Variants in TBC1D5 observed in about 807,000 individuals in gnomAD.
TBC1D5 encodes the protein TBC1 domain family member 5.
TBC1D5 carries 75 observed loss-of-function variants against 100.3 expected under a neutral mutation model. That is an observed-to-expected ratio of 0.75 (90% confidence interval 0.62 to 0.91). The LOEUF (loss-of-function observed/expected upper bound fraction) is 0.91. Among genes scored for constraint, TBC1D5 ranks in the 40% least tolerant of loss-of-function variants. The pLI, the probability that TBC1D5 is intolerant of heterozygous loss-of-function variation, is 0.00. For synonymous variants in TBC1D5, 323 were observed against 325.6 expected, an observed-to-expected ratio of 0.99 and a Z score of 0.09; for missense variants, 910 against 942.4, an observed-to-expected ratio of 0.97 and a Z score of 0.45.
chr3:17,733,820 C>A (rs1342876079), intron 1 of TBC1D5, among the ~76,000 whole-genome samples: 1 of 150,606 alleles, frequency 6.6e-6, no homozygotes, highest in Non-Finnish European at 1.5e-5. Flanking sequence ...CCTGGAAAAT[C>A]TAAGAGAATT....
At chr3:17,622,122 G>A (rs553940853) in intron 2 of TBC1D5, among the ~76,000 whole-genome samples, 4 of 152,250 alleles carry the variant, frequency 2.6e-5, no homozygotes, top group South Asian at 2.1e-4. Flanking sequence ...AGATGGTTTC[G>A]AAATCAAACT....
chr3:17,484,161 G>C (rs1156649466), intron 3 of TBC1D5, among the ~76,000 whole-genome samples: 4 of 152,016 alleles, frequency 2.6e-5, no homozygotes, highest in Non-Finnish European at 4.4e-5. Context: ...TTAAAGACAG[G>C]AACAGAAACT....
chr3:17,581,983 C>G (rs569506852), intron 2 of TBC1D5, among the ~76,000 whole-genome samples: 2 of 152,286 alleles, frequency 1.3e-5, no homozygotes, highest in Non-Finnish European at 2.9e-5. Flanking sequence ...GGTCTTTACT[C>G]ACATGTTACC....
At chr3:17,552,680 T>C (rs1413986953) in intron 2 of TBC1D5, among the ~76,000 whole-genome samples, 2 of 152,198 alleles carry the variant, frequency 1.3e-5, no homozygotes, top group South Asian at 4.1e-4. Flanking sequence ...ATAGCTATGA[T>C]AAAAATTTCA....
chr3:17,548,817 A>G (rs2096444696), intron 2 of TBC1D5, among the ~76,000 whole-genome samples: 1 of 152,224 alleles, frequency 6.6e-6, no homozygotes, highest in Non-Finnish European at 1.5e-5. Context: ...CTTAAGCTAC[A>G]AAACATACAA....
chr3:17,440,224 C>G (rs78522402), intron 3 of TBC1D5, among the ~76,000 whole-genome samples: 2 of 152,048 alleles, frequency 1.3e-5, no homozygotes, highest in African/African-American at 4.8e-5. Context: ...AAGTCACAGA[C>G]CAAACAGGGC....
At chr3:17,179,186 G>A (rs571849945) in intron 19 of TBC1D5, among the ~76,000 whole-genome samples, 36 of 152,226 alleles carry the variant, frequency 2.4e-4, no homozygotes, top group African/African-American at 7.5e-4. Context: ...TCTGCTACCC[G>A]CAATAAAAAG....
chr3:17,501,050 T>C (rs2095782429), intron 3 of TBC1D5, among the ~76,000 whole-genome samples: 1 of 149,800 alleles, frequency 6.7e-6, no homozygotes, highest in Non-Finnish European at 1.5e-5. Context: ...GTATTTTTTA[T>C]CCTTGTTACT....
chr3:17,721,055 G>C (rs1294596285), intron 1 of TBC1D5, among the ~76,000 whole-genome samples: 1 of 151,828 alleles, frequency 6.6e-6, no homozygotes, highest in Non-Finnish European at 1.5e-5. Flanking sequence ...TGGCCAGGCT[G>C]GTCTTGAATT....
At chr3:17,572,595 G>A (rs1159059385) in intron 2 of TBC1D5, among the ~76,000 whole-genome samples, 2 of 151,976 alleles carry the variant, frequency 1.3e-5, no homozygotes, top group Non-Finnish European at 2.9e-5. Context: ...ACTCTATAAT[G>A]CTTCATGTCC....
intron 3 of TBC1D5, among the ~76,000 whole-genome samples, chr3:17,467,779 C>A (rs1470928873): frequency 6.6e-6 from 1 of 151,872 alleles, no homozygotes; most frequent in South Asian, 2.1e-4. Flanking sequence ...CATTTGTAAT[C>A]CTAGCTACTC....
At chr3:17,342,600 T>A (rs1363573144) in intron 13 of TBC1D5, among the ~76,000 whole-genome samples, 1 of 152,172 alleles carries the variant, frequency 6.6e-6, no homozygotes, top group Non-Finnish European at 1.5e-5. Context: ...TTAAAATAAA[T>A]TTTTCCTTAT....
intron 1 of TBC1D5, among the ~76,000 whole-genome samples, chr3:17,693,485 G>A (rs377128675): frequency 4.3e-4 from 65 of 152,332 alleles, no homozygotes; most frequent in African/African-American, 8.9e-4. Context: ...CACTGCTAGC[G>A]CAGCAGTCTG....
chr3:17,412,139 G>A (rs2149114570), intron 4 of TBC1D5, among the ~76,000 whole-genome samples: 1 of 152,226 alleles, frequency 6.6e-6, no homozygotes, highest in East Asian at 1.9e-4. Context: ...TTACTGCAAA[G>A]CACTCTGGTA....
At chr3:17,425,706 T>A (rs181953984) in intron 4 of TBC1D5, among the ~76,000 whole-genome samples, 15 of 152,260 alleles carry the variant, frequency 9.9e-5, no homozygotes, top group Non-Finnish European at 2.1e-4. Context: ...ATACAAACAG[T>A]GGAAAGAATA....
chr3:17,568,589 T>A (rs1205106403), intron 2 of TBC1D5, among the ~76,000 whole-genome samples: 1 of 151,550 alleles, frequency 6.6e-6, no homozygotes, highest in East Asian at 1.9e-4. Context: ...TTACCAGAAT[T>A]TAAGTAATTA....
At chr3:17,406,967 G>C (rs1316311790) in intron 4 of TBC1D5, among the ~76,000 whole-genome samples, 1 of 152,164 alleles carries the variant, frequency 6.6e-6, no homozygotes, top group East Asian at 1.9e-4. Flanking sequence ...TTAATGTCAG[G>C]CTGGACAGTA....
At chr3:17,554,481 T>C (rs2096498691) in intron 2 of TBC1D5, among the ~76,000 whole-genome samples, 1 of 152,176 alleles carries the variant, frequency 6.6e-6, no homozygotes, top group Non-Finnish European at 1.5e-5. Context: ...CAGGAAGTTT[T>C]ATCTAAGAGG....
At chr3:17,562,516 C>CAAAAAAAAAAAAAAA in intron 2 of TBC1D5, among the ~76,000 whole-genome samples, 1 of 136,016 alleles carries the variant, frequency 7.4e-6, no homozygotes. Context: ...TGACTTAAAA[C>CAAAAAAAAAAAAAAA]AAAAAAAAAA....
Sources: gnomAD v4.1 joint callset for allele counts (sites outside exome capture counted in the v4.1 genomes callset) on GRCh38, gnomAD v4.1.1 for gene constraint, MANE v1.5 for transcripts, NCBI Gene and HGNC (gene_info 2026-07-23, HGNC 2026-07-21) for gene names.